The following DNAH8 variants were observed in gnomAD, a reference collection of about 807,000 sequenced individuals.
DNAH8 encodes axonemal beta dynein heavy chain 8.
A neutral mutation model predicts 562.1 loss-of-function variants in DNAH8; 382 were observed. The ratio of observed to expected loss-of-function variants is 0.68; its 90% CI spans 0.63 to 0.74. DNAH8 has a LOEUF of 0.74. Ranked by LOEUF, DNAH8 falls within the 30% of genes least tolerant of loss-of-function variation. The probability of loss-of-function intolerance (pLI) is 0.00; values close to 1 mark genes in which losing one functional copy is unlikely to be tolerated. For missense variants in DNAH8, 5,203 were observed against 5,620.4 expected (o/e 0.93, Z 2.37); for synonymous variants, 1,881 against 1,919.4 (o/e 0.98, Z 0.52).
chr6:38,927,666 C>G (rs767566751), intron 74 of DNAH8, among the ~76,000 whole-genome samples: 8 of 152,112 alleles, frequency 5.3e-5, no homozygotes, highest in Non-Finnish European at 8.8e-5. Flanking sequence ...TCTCCCTGCT[C>G]ATCTTATTCT....
intron 4 of DNAH8, among the ~76,000 whole-genome samples, chr6:38,733,279 C>T (rs76953549): frequency 0.25 from 38,360 of 151,674 alleles, 5,774 homozygotes; most frequent in Non-Finnish European, 0.35. Flanking sequence ...TTGTGACCAA[C>T]TATCTAACAT....
At chr6:38,723,972 T>A (rs999947251) in intron 3 of DNAH8, among the ~76,000 whole-genome samples, 3 of 110,910 alleles carry the variant, frequency 2.7e-5, no homozygotes, top group African/African-American at 4.1e-5. Flanking sequence ...TTTTTAAATT[T>A]AATTAATTAA....
intron 91 of DNAH8, among the ~76,000 whole-genome samples, chr6:39,013,604 C>A (rs1478570125): frequency 1.3e-5 from 2 of 152,160 alleles, no homozygotes; most frequent in Non-Finnish European, 2.9e-5. Context: ...GTAATCCCAG[C>A]ACTTTGGGAG....
chr6:38,969,356 G>T (rs1038361676), intron 82 of DNAH8, among the ~76,000 whole-genome samples: 1 of 152,150 alleles, frequency 6.6e-6, no homozygotes, highest in Non-Finnish European at 1.5e-5. Context: ...CTATCTAGGT[G>T]CTGGGTTGGC....
chr6:38,933,297 G>A (rs1261798772), intron 76 of DNAH8, among the ~76,000 whole-genome samples: 1 of 152,148 alleles, frequency 6.6e-6, no homozygotes, highest in African/African-American at 2.4e-5. Context: ...TTCAAGAGAT[G>A]TGCTAAGATG....
At position 38,839,824 on chromosome 6, in the gene DNAH8, G is replaced by A. The variant is rs570546365; in HGVS notation, c.4466+1782G>A. Among the ~76,000 whole-genome samples the A allele has an allele frequency of 1.3e-3, 201 of 152,126 alleles. 2 individuals carry two copies. The highest frequency in any genetic ancestry group is 4.5e-3 in the African/African-American group (185 of 41,514). ...ATTATAGGCATGTGCCACCATGCCC[G>A]GCTAATTTTATATTTTTAGTAGAGA... is the stretch of plus-strand genomic sequence containing the variant. On this transcript the variant is annotated intron_variant, in intron 33 of 92. Coordinates refer to ENST00000327475, the MANE Select transcript of DNAH8 (RefSeq NM_001206927.2).
intron 91 of DNAH8, among the ~76,000 whole-genome samples, chr6:39,013,355 T>G (rs1190190767): frequency 4.6e-5 from 7 of 152,232 alleles, no homozygotes; most frequent in Non-Finnish European, 1.0e-4. Flanking sequence ...TTTAGAAACA[T>G]TCACACTTAC....
At chr6:38,981,144 T>C (rs945653939) in intron 85 of DNAH8, among the ~76,000 whole-genome samples, 5 of 151,894 alleles carry the variant, frequency 3.3e-5, no homozygotes, top group African/African-American at 9.7e-5. Flanking sequence ...TTCCCATAGA[T>C]GTATAGGGAT....
At chr6:38,921,182 A>G (rs1214613906) in intron 70 of DNAH8, among the ~76,000 whole-genome samples, 187 bp from the exon 71 acceptor site, 1 of 152,158 alleles carries the variant, frequency 6.6e-6, no homozygotes, top group Non-Finnish European at 1.5e-5. Flanking sequence ...ACACCTGGCC[A>G]GTAATTAAAA....
rs1775636651 is a variant in DNAH8, at chr6:38,850,241, G to A, written c.5200-10G>A. The A allele has an allele frequency of 1.2e-6, 2 of 1,611,422 alleles. No individual in the cohort carries two copies. The highest frequency in any genetic ancestry group is 3.3e-5 in the Admixed American group (2 of 59,850). ...ATGCTAATCTTTACTGGCTATGGATGCATTTTCAGGAAGCAAAACGTTTTC... is the reference window on the plus strand; with the variant it reads ...ATGCTAATCTTTACTGGCTATGGATACATTTTCAGGAAGCAAAACGTTTTC... On this transcript the variant is annotated splice_polypyrimidine_tract_variant and intron_variant, in intron 37 of 92. Transcript: ENST00000327475.
chr6:38,962,672 A>G lies in DNAH8; in HGVS notation c.12452-8920A>G, dbSNP rs543664644. Among the ~76,000 whole-genome samples, 4 of 152,330 alleles carry G rather than the reference A, an allele frequency of 2.6e-5. No individual in the cohort carries two copies. In the South Asian group the frequency reaches 8.3e-4, roughly 32 times the overall value. ...TAAAATAAACTATAAAACAAGAAAA[A>G]GAATATATTCAATTAGTTATATATT... is the stretch of plus-strand genomic sequence containing the variant. On this transcript the variant is annotated intron_variant, in intron 82 of 92. Coordinates refer to ENST00000327475, the MANE Select transcript of DNAH8 (RefSeq NM_001206927.2).
chr6:38,715,954 A>ATTTTTTTTTTTTTT (rs1410399802), intron 1 of DNAH8, among the ~76,000 whole-genome samples: 2 of 37,526 alleles, frequency 5.3e-5, no homozygotes, highest in African/African-American at 1.7e-4. Flanking sequence ...ATATATATAT[A>ATTTTTTTTTTTTTT]TATATATTTT....
At position 38,886,993 on chromosome 6, in the gene DNAH8, A is replaced by G. The variant is rs1158168377; in HGVS notation, c.8462A>G (p.Asp2821Gly). The G allele has an allele frequency of 6.2e-7, 1 of 1,607,030 alleles. No homozygotes were observed. The highest frequency in any genetic ancestry group is 8.5e-7 in the Non-Finnish European group (1 of 1,173,818). ...ACATTGCCTTCAAATGCTTCAATAG[A>G]CAAAATTTTTGGTATGAATATTCTT... is the stretch of plus-strand genomic sequence containing the variant. Reference protein sequence around the residue: ...NCTLPSNASIDKIFGIIGCGY... With the variant: ...NCTLPSNASIGKIFGIIGCGY... Residue 2821 changes from aspartate to glycine, a missense_variant, in exon 57 of 93, where the codon GAC becomes GGC. Coordinates refer to ENST00000327475, the MANE Select transcript of DNAH8 (RefSeq NM_001206927.2).
chr6:38,897,410 A>G (rs1241262047), intron 60 of DNAH8, among the ~76,000 whole-genome samples: 1 of 152,190 alleles, frequency 6.6e-6, no homozygotes, highest in African/African-American at 2.4e-5. Flanking sequence ...AAATTTACCA[A>G]CACTTGCCAA....
intron 88 of DNAH8, among the ~76,000 whole-genome samples, chr6:38,993,476 A>G (rs1764927895): frequency 6.6e-6 from 1 of 152,112 alleles, no homozygotes; most frequent in South Asian, 2.1e-4. Flanking sequence ...TGTTTTGAAT[A>G]TGTAAAATAT....
intron 5 of DNAH8, among the ~76,000 whole-genome samples, chr6:38,736,855 C>T (rs1562594697): frequency 1.3e-5 from 2 of 152,134 alleles, no homozygotes; most frequent in South Asian, 2.1e-4. Context: ...TGAAACATCA[C>T]TTTGATGAGC....
Position 39,012,598 on chromosome 6 carries a change from C to T in DNAH8, c.13675C>T (p.Pro4559Ser). 2 of 1,613,920 alleles carry T rather than the reference C, an allele frequency of 1.2e-6. No individual in the cohort carries two copies. The highest frequency in any genetic ancestry group is 1.6e-4 in the Middle Eastern group (1 of 6,062). Residue 4559 changes from proline to serine, a missense_variant, in exon 91 of 93, where the codon CCT becomes TCT. By Grantham distance (74) the Pro-to-Ser change is moderately conservative (BLOSUM62 -1). Around this residue, in one of 6 missense-constraint regions of DNAH8, gnomAD observed 1,399 missense variants for 1,518.4 expected, o/e 0.92. Coordinates refer to ENST00000327475, the MANE Select transcript of DNAH8 (RefSeq NM_001206927.2). The part of the protein sequence containing the change: ...QFSTWIFEGR[P>S]NVFWMTGFFN... Reference sequence around the variant, plus strand: ...TTCTACGTGGATATTTGAAGGGAGGCCTAATGTGTTTTGGATGACTGGTTT... The same window carrying T: ...TTCTACGTGGATATTTGAAGGGAGGTCTAATGTGTTTTGGATGACTGGTTT...
chr6:38,862,681 G>A lies in DNAH8; in HGVS notation c.6310+223G>A, dbSNP rs1315046004. ...GTGTTATAGTCTATGCATGGAATGT[G>A]TGTTAGATTACGAAAATGGAATCAA... On this transcript the variant is annotated intron_variant, in intron 44 of 92. Transcript: ENST00000327475. Among the ~76,000 whole-genome samples, 5 of 152,252 alleles carry A rather than the reference G, an allele frequency of 3.3e-5. No individual in the cohort carries two copies. In the East Asian group the frequency reaches 9.7e-4, roughly 29 times the overall value.
At chr6:38,967,984 A>C (rs1157982054) in intron 82 of DNAH8, among the ~76,000 whole-genome samples, 1 of 152,186 alleles carries the variant, frequency 6.6e-6, no homozygotes, top group African/African-American at 2.4e-5. Flanking sequence ...AAATAAACCC[A>C]GCCCTCACAT....
Sources: allele counts gnomAD v4.1 joint callset (sites outside exome capture counted in the v4.1 genomes callset), GRCh38; gene constraint gnomAD v4.1.1; regional missense constraint gnomAD v4.1.1; transcripts MANE v1.5; gene names NCBI Gene and HGNC (gene_info 2026-07-23, HGNC 2026-07-21).